The following SCP2 variants were observed in gnomAD, a reference collection of about 807,000 sequenced individuals.
SCP2 encodes sterol carrier protein 2.
In SCP2, 48 loss-of-function variants were observed where a neutral mutation model predicts 71.4. That is an observed-to-expected ratio of 0.67 (90% CI 0.53 to 0.86). The LOEUF (loss-of-function observed/expected upper bound fraction) is 0.86. SCP2 is among the 40% of genes least tolerant of loss of function. SCP2 has a pLI of 0.00. For missense variants in SCP2, 560 were observed against 655.6 expected, an observed-to-expected ratio of 0.85 and a Z score of 1.59; for synonymous variants, 220 against 218.1, an observed-to-expected ratio of 1.01 and a Z score of -0.08.
chr1:52,965,322 A>T (rs147929570), intron 6 of SCP2, among the ~76,000 whole-genome samples: 1 of 152,170 alleles, frequency 6.6e-6, no homozygotes, highest in South Asian at 2.1e-4. Flanking sequence ...GTTGAGCTCC[A>T]TAAAAAATCT....
chr1:52,944,874 T>C (rs924591542), intron 2 of SCP2, among the ~76,000 whole-genome samples: 12 of 151,908 alleles, frequency 7.9e-5, no homozygotes, highest in African/African-American at 2.7e-4. Context: ...CTTGAACTCC[T>C]GACCTCGGGT....
chr1:52,986,303 G>T (rs1018278663), intron 10 of SCP2, among the ~76,000 whole-genome samples: 3 of 152,112 alleles, frequency 2.0e-5, no homozygotes, highest in African/African-American at 7.2e-5. Flanking sequence ...ACTTTTAGGG[G>T]TTAGCTTGTG....
intron 1 of SCP2, among the ~76,000 whole-genome samples, chr1:52,932,231 A>G (rs1046991249): frequency 9.8e-5 from 15 of 152,316 alleles, no homozygotes; most frequent in African/African-American, 3.6e-4. Flanking sequence ...GATGAATAAA[A>G]AGAAAGCTCA....
At position 53,037,909 on chromosome 1, in the gene SCP2, CACACACACACACACACACACAGAT is replaced by C. The variant is rs1227094973; in HGVS notation, c.1339-1007_1339-984del. The stretch of plus-strand genomic sequence containing the variant: ...ACACACACACACACACACACACACA[CACACACACACACACACACACAGAT>C]CCAGATCCTGTCTCTATACACACAC... On this transcript the variant is annotated intron_variant, in intron 13 of 15. Transcript: ENST00000371514. Among the ~76,000 whole-genome samples, 1,217 of 129,742 alleles carry C rather than the reference CACACACACACACACACACACAGAT, an allele frequency of 9.4e-3. 90 individuals are homozygous for C. The East Asian group carries it at 0.19, about 21-fold the overall frequency. 85.1% of individuals were successfully genotyped at this position (129,742 alleles called of 152,430 possible).
intron 10 of SCP2, among the ~76,000 whole-genome samples, chr1:52,984,590 T>C (rs1431539843): frequency 6.6e-6 from 1 of 151,602 alleles, no homozygotes; most frequent in African/African-American, 2.4e-5. Flanking sequence ...CAGGCTGGAG[T>C]GCAGTGGCGC....
In SCP2 at chr1:53,048,115, G is replaced by A. The variant is rs1266014775; in HGVS notation, c.1548+178G>A. Reference sequence around the variant, plus strand: ...GTGCCACACACTGTCTTGTGTGCTGGAAGTGCCCAGAAGAGTAAGAAAGTT... The same window carrying A: ...GTGCCACACACTGTCTTGTGTGCTGAAAGTGCCCAGAAGAGTAAGAAAGTT... On this transcript the variant is annotated intron_variant, in intron 15 of 15. Transcript: ENST00000371514. The A allele has an allele frequency of 4.9e-6, 3 of 613,420 alleles. No homozygotes were observed. In the East Asian group the frequency reaches 9.5e-5, roughly 19 times the overall value. 38.0% of individuals were successfully genotyped at this position (613,420 alleles called of 1,614,324 possible).
At chr1:53,047,007 T>G (rs1663864003) in intron 14 of SCP2, among the ~76,000 whole-genome samples, 1 of 152,188 alleles carries the variant, frequency 6.6e-6, no homozygotes, top group South Asian at 2.1e-4. Context: ...CAGTTAAGCT[T>G]TTGGCCAGGG....
chr1:52,975,249 C>T (rs920882889), intron 7 of SCP2, among the ~76,000 whole-genome samples: 11 of 152,046 alleles, frequency 7.2e-5, no homozygotes, highest in Admixed American at 2.6e-4. Flanking sequence ...GGCATGATCT[C>T]GGCTCACTGC....
chr1:53,008,511 A>C (rs974753934), intron 11 of SCP2, among the ~76,000 whole-genome samples: 2 of 152,254 alleles, frequency 1.3e-5, no homozygotes, highest in Admixed American at 6.5e-5. Flanking sequence ...TCATATAAAC[A>C]GAACCAAACA....
At chr1:52,994,018 C>A in intron 11 of SCP2, 1 of 1,202,880 alleles carries the variant, frequency 8.3e-7, no homozygotes, top group Non-Finnish European at 1.0e-6. Flanking sequence ...TGTTTTCTAG[C>A]GTGACACCCT....
intron 10 of SCP2, among the ~76,000 whole-genome samples, chr1:52,982,502 G>A (rs756257231): frequency 4.9e-4 from 75 of 152,048 alleles, no homozygotes; most frequent in Non-Finnish European, 8.2e-4. Context: ...CCTGGGAGGC[G>A]GAGCTTGCAG....
At chr1:53,035,441 A>G (rs558582058) in intron 13 of SCP2, among the ~76,000 whole-genome samples, 5 of 152,300 alleles carry the variant, frequency 3.3e-5, no homozygotes, top group South Asian at 2.1e-4. Flanking sequence ...AAAGGTGAAG[A>G]TTTACTATAT....
intron 2 of SCP2, chr1:52,943,819 T>G: frequency 2.2e-6 from 1 of 447,362 alleles, no homozygotes; most frequent in Non-Finnish European, 4.4e-6. Context: ...AATGATGAGG[T>G]TTCTTCACCC....
intron 1 of SCP2, among the ~76,000 whole-genome samples, chr1:52,929,487 C>CGGGG (rs1192968194): frequency 1.3e-5 from 2 of 152,018 alleles, no homozygotes; most frequent in Non-Finnish European, 2.9e-5. Flanking sequence ...ACTCTGTCCC[C>CGGGG]CAGTCTGGAG....
rs1271054869 is a variant in SCP2 at position 53,036,003 on chromosome 1, G to C, written c.1339-2914G>C. 3.9e-5 allele frequency among the ~76,000 whole-genome samples: 5 copies of C among 128,360 alleles called. No homozygotes were observed. In the East Asian group the frequency reaches 9.2e-4, roughly 24 times the overall value. 84.2% of individuals were successfully genotyped at this position (128,360 alleles called of 152,430 possible). ...CCACTGCACTCCAGCCTGGGCGACAGAGCGAGACTCCGTCTCAAAAAAAAA... is the reference window on the plus strand; with the variant it reads ...CCACTGCACTCCAGCCTGGGCGACACAGCGAGACTCCGTCTCAAAAAAAAA... On this transcript the variant is annotated intron_variant, in intron 13 of 15. Transcript: ENST00000371514.
intron 11 of SCP2, among the ~76,000 whole-genome samples, chr1:52,991,136 T>C (rs989972512): frequency 2.6e-5 from 4 of 152,220 alleles, no homozygotes; most frequent in African/African-American, 9.7e-5. Flanking sequence ...GCCTCTTCAC[T>C]CTCTTTAGTA....
chr1:52,992,421 G>A (rs1659580038), intron 11 of SCP2, among the ~76,000 whole-genome samples: 1 of 152,042 alleles, frequency 6.6e-6, no homozygotes, highest in Non-Finnish European at 1.5e-5. Flanking sequence ...TTAGTTTTTT[G>A]AATCCCTTAC....
Position 53,004,610 on chromosome 1 carries a change from G to A in SCP2, c.1082-10280G>A, listed in dbSNP as rs539689511. Among the ~76,000 whole-genome samples, 165 of 152,256 alleles carry A rather than the reference G, an allele frequency of 1.1e-3. 1 individual carries two copies. The highest frequency in any genetic ancestry group is 3.7e-3 in the African/African-American group (154 of 41,550). On this transcript the variant is annotated intron_variant, in intron 11 of 15. Transcript: ENST00000371514. ...GATAATGTATTTTGTGATATTCACCGCCCTTGTGAATGTACTTTGTAGGGT... is the reference window on the plus strand; with the variant it reads ...GATAATGTATTTTGTGATATTCACCACCCTTGTGAATGTACTTTGTAGGGT...
At chr1:53,034,877 A>T (rs565275165) in intron 13 of SCP2, among the ~76,000 whole-genome samples, 4 of 152,264 alleles carry the variant, frequency 2.6e-5, no homozygotes, top group Admixed American at 2.6e-4. Flanking sequence ...AGGCCGAGGC[A>T]GGCGGATCAT....
Sources: gnomAD v4.1 joint callset for allele counts (sites outside exome capture counted in the v4.1 genomes callset) on GRCh38, gnomAD v4.1.1 for gene constraint, MANE v1.5 for transcripts, NCBI Gene and HGNC (gene_info 2026-07-23, HGNC 2026-07-21) for gene names.